RNF38: variants seen among roughly 807,000 people sequenced by gnomAD.
RNF38 encodes E3 ubiquitin-protein ligase RNF38.
Under a neutral mutation model 67.2 loss-of-function variants are expected in RNF38, and 15 were observed. The ratio of observed to expected loss-of-function variants is 0.22; its 90% CI spans 0.15 to 0.34. The LOEUF (loss-of-function observed/expected upper bound fraction) is 0.34. Ranked by LOEUF, RNF38 falls within the 10% of genes least tolerant of loss-of-function variation. The pLI is 1.00. For synonymous variants in RNF38, 220 were observed against 218.8 expected (o/e 1.01, Z -0.05); for missense variants, 524 against 639.9 (o/e 0.82, Z 1.95).
intron 9 of RNF38, among the ~76,000 whole-genome samples, chr9:36,348,748 T>C (rs1250235612): frequency 6.6e-6 from 1 of 152,200 alleles, no homozygotes; most frequent in African/African-American, 2.4e-5. Flanking sequence ...GCCATCTTTA[T>C]AACAACGAAG....
At chr9:36,454,670 C>CCT (rs961752511) in intron 1 of RNF38, among the ~76,000 whole-genome samples, 2 of 150,906 alleles carry the variant, frequency 1.3e-5, no homozygotes, top group African/African-American at 4.9e-5. Flanking sequence ...GCAACCTCCG[C>CCT]CTCCCAGGTT....
intron 1 of RNF38, among the ~76,000 whole-genome samples, chr9:36,432,107 T>C (rs1027440293): frequency 1.4e-4 from 22 of 152,034 alleles, no homozygotes; most frequent in South Asian, 2.1e-4. Flanking sequence ...TATTCTCCCA[T>C]GGCTTAATAT....
chr9:36,351,064 A>G (rs1049037964), intron 9 of RNF38, 51 bp downstream of exon 9: 3 of 1,291,726 alleles, frequency 2.3e-6, no homozygotes, highest in Non-Finnish European at 3.3e-6. Context: ...GTAGAATAAT[A>G]CTTTCATGCA....
intron 2 of RNF38, among the ~76,000 whole-genome samples, chr9:36,389,916 G>T (rs1261147534): frequency 2.6e-5 from 4 of 152,068 alleles, no homozygotes; most frequent in African/African-American, 9.7e-5. Flanking sequence ...TGATTTCTAT[G>T]GGCAGATTCC....
At chr9:36,448,490 A>G (rs895716529) in intron 1 of RNF38, among the ~76,000 whole-genome samples, 23 of 152,212 alleles carry the variant, frequency 1.5e-4, no homozygotes, top group Non-Finnish European at 2.4e-4. Flanking sequence ...TGTGCTATAA[A>G]GTAGTGGTGG....
At chr9:36,417,840 C>T (rs768463753) in intron 2 of RNF38, among the ~76,000 whole-genome samples, 2 of 152,108 alleles carry the variant, frequency 1.3e-5, no homozygotes, top group Non-Finnish European at 2.9e-5. Context: ...TGAAACACTG[C>T]TTAACTTTTA....
chr9:36,402,871 T>A (rs1838088282), upstream of RNF38, among the ~76,000 whole-genome samples: 1 of 152,134 alleles, frequency 6.6e-6, no homozygotes, highest in East Asian at 1.9e-4. Flanking sequence ...TTTTTTGTAT[T>A]TTGAGACACG....
chr9:36,482,455 C>T (rs1350607326), intron 1 of RNF38, among the ~76,000 whole-genome samples: 3 of 149,450 alleles, frequency 2.0e-5, no homozygotes, highest in Non-Finnish European at 3.0e-5. Flanking sequence ...CGGGTTCAAG[C>T]GATTCTCCTG....
chr9:36,450,632 G>A (rs551934350), intron 1 of RNF38, among the ~76,000 whole-genome samples: 5 of 152,100 alleles, frequency 3.3e-5, no homozygotes, highest in South Asian at 4.1e-4. Context: ...AATTAACCTA[G>A]AGCCAGGCGC....
At chr9:36,385,551 GTATTTTTA>G (rs1836555930) in intron 2 of RNF38, among the ~76,000 whole-genome samples, 1 of 152,022 alleles carries the variant, frequency 6.6e-6, no homozygotes, top group African/African-American at 2.4e-5. Context: ...GATAATTTTT[GTATTTTTA>G]GTAGAGATGG....
chr9:36,468,711 C>A (rs1191616183), intron 1 of RNF38, among the ~76,000 whole-genome samples: 1 of 151,936 alleles, frequency 6.6e-6, no homozygotes, highest in East Asian at 1.9e-4. Flanking sequence ...ACTCGGGAGG[C>A]CGAGGCATGA....
intron 2 of RNF38, among the ~76,000 whole-genome samples, chr9:36,406,226 A>G (rs995544034): frequency 2.0e-5 from 3 of 152,278 alleles, no homozygotes; most frequent in African/African-American, 7.2e-5. Context: ...AGGCATTGAA[A>G]GGCATGATTC....
At chr9:36,389,238 T>C (rs1836881730) in intron 2 of RNF38, among the ~76,000 whole-genome samples, 1 of 152,042 alleles carries the variant, frequency 6.6e-6, no homozygotes, top group South Asian at 2.1e-4. Flanking sequence ...TGTTTTGTTT[T>C]CAAAACATGA....
At chr9:36,424,258 A>G (rs1383113454) in intron 2 of RNF38, among the ~76,000 whole-genome samples, 4 of 152,206 alleles carry the variant, frequency 2.6e-5, no homozygotes, top group African/African-American at 9.6e-5. Flanking sequence ...AATGTCCAGG[A>G]TATTTCCAAC....
chr9:36,426,096 TA>T (rs1419498323), intron 1 of RNF38, among the ~76,000 whole-genome samples: 1 of 152,218 alleles, frequency 6.6e-6, no homozygotes, highest in African/African-American at 2.4e-5. Flanking sequence ...ACTATTACAG[TA>T]AGAGCTTACT....
At chr9:36,397,300 G>C (rs1837616522) in intron 1 of RNF38, among the ~76,000 whole-genome samples, 1 of 151,942 alleles carries the variant, frequency 6.6e-6, no homozygotes, top group Non-Finnish European at 1.5e-5. Context: ...TTTTAGTAGA[G>C]ACAGGATTTC....
chr9:36,375,885 A>T (rs1316088266), intron 3 of RNF38, 49 bp downstream of exon 3: 2 of 1,526,488 alleles, frequency 1.3e-6, no homozygotes, highest in African/African-American at 2.8e-5. Context: ...ATATACTCAC[A>T]AATCTACCAA....
chr9:36,400,543 G>A, upstream of RNF38: 1 of 990,058 alleles, frequency 1.0e-6, no homozygotes, highest in African/African-American at 1.7e-5. Context: ...AACGGCCGCG[G>A]CGGCCAGTAC....
chr9:36,436,867 T>C (rs1839082618), intron 1 of RNF38, among the ~76,000 whole-genome samples: 1 of 148,546 alleles, frequency 6.7e-6, no homozygotes, highest in Non-Finnish European at 1.5e-5. Flanking sequence ...TAATATAAAA[T>C]GGATAATCAT....
Sources: gnomAD v4.1 joint callset for allele counts (sites outside exome capture counted in the v4.1 genomes callset) on GRCh38, gnomAD v4.1.1 for gene constraint, MANE v1.5 for transcripts, NCBI Gene and HGNC (gene_info 2026-07-23, HGNC 2026-07-21) for gene names.